Variants in PKD1L1 observed in about 807,000 individuals in gnomAD.
PKD1L1 encodes polycystin 1 like 1, transient receptor potential channel interacting, also known as polycystin-1-like protein 1.
In PKD1L1, 236 loss-of-function variants were observed where a neutral mutation model predicts 323.4. The observed-to-expected ratio is 0.73, with a 90% CI of 0.66 to 0.81. The LOEUF (loss-of-function observed/expected upper bound fraction) is 0.81, where lower values mean the gene tolerates loss of function less well. PKD1L1 is among the 40% of genes least tolerant of loss of function. The probability of loss-of-function intolerance (pLI) is 0.00; values close to 1 mark genes in which losing one functional copy is unlikely to be tolerated. For synonymous variants in PKD1L1, 1,344 were observed against 1,335.0 expected, an observed-to-expected ratio of 1.01 and a Z score of -0.15; for missense variants, 3,320 against 3,508.0, an observed-to-expected ratio of 0.95 and a Z score of 1.35.
the PKD1L1 span, among the ~76,000 whole-genome samples, chr7:47,955,444 TA>T: frequency 2.0e-4 from 31 of 151,918 alleles, no homozygotes; most frequent in South Asian, 8.3e-4. Context: ...AAGATTGAAA[TA>T]AAAAAAACAC....
chr7:47,906,897 TAA>T (rs58556871), intron 9 of PKD1L1, among the ~76,000 whole-genome samples: 62 of 149,440 alleles, frequency 4.1e-4, no homozygotes, highest in African/African-American at 1.5e-3. Context: ...TCAAAAGTGT[TAA>T]AAAAAAAAGA....
At chr7:47,888,678 C>T (rs1408345579) in intron 16 of PKD1L1, among the ~76,000 whole-genome samples, 1 of 152,254 alleles carries the variant, frequency 6.6e-6, no homozygotes, top group Non-Finnish European at 1.5e-5. Context: ...GGCCCCGCCT[C>T]TTCCCTGTGC....
intron 56 of PKD1L1, among the ~76,000 whole-genome samples, chr7:47,786,997 T>A (rs1336532098): frequency 6.6e-6 from 1 of 152,236 alleles, no homozygotes; most frequent in African/African-American, 2.4e-5. Flanking sequence ...TGTAGGTGGT[T>A]ATTGATAGCT....
At chr7:47,782,212 G>A (rs1786713955) in intron 56 of PKD1L1, among the ~76,000 whole-genome samples, 1 of 152,188 alleles carries the variant, frequency 6.6e-6, no homozygotes, top group South Asian at 2.1e-4. Flanking sequence ...GAAAAAAGAT[G>A]CTCAACTTCT....
chr7:47,794,813 C>T (rs1785304018), intron 55 of PKD1L1, among the ~76,000 whole-genome samples: 1 of 152,216 alleles, frequency 6.6e-6, no homozygotes, highest in Non-Finnish European at 1.5e-5. Flanking sequence ...GCATCACCTA[C>T]ATGTGAGCCC....
intron 11 of PKD1L1, among the ~76,000 whole-genome samples, chr7:47,904,952 G>A (rs1787171807): frequency 6.6e-6 from 1 of 152,116 alleles, no homozygotes; most frequent in African/African-American, 2.4e-5. Flanking sequence ...GCCCTACACC[G>A]TTTCCCTTAG....
At chr7:47,897,086 T>G (rs1237936404) in intron 14 of PKD1L1, among the ~76,000 whole-genome samples, 1 of 152,202 alleles carries the variant, frequency 6.6e-6, no homozygotes, top group Non-Finnish European at 1.5e-5. Context: ...CGCGATGAGA[T>G]AAGTACAGAC....
In PKD1L1 at chr7:47,943,486, A is replaced by G. The variant is rs1477089952; in HGVS notation, c.70T>C (p.Ser24Pro). 6.2e-7 allele frequency: 1 copy of G among 1,613,134 alleles called. No homozygotes were observed. Among genetic ancestry groups the G allele is most frequent in the African/African-American group, 1.3e-5 (1 of 75,016 alleles). ...ERCLQAACCL[S>P]FGGELSVSTD... ...CTCACAGACAGCTCACCACCAAAGG[A>G]AAGGCAGCAGGCAGCCTGGAGACAC... The change falls in exon 2 of 57, where the codon TCC (serine) becomes CCC (proline). Residue 24 changes from serine (S) to proline (P), a missense_variant. Ser to Pro is a moderately conservative substitution (Grantham distance 74, BLOSUM62 -1). Coordinates refer to ENST00000289672, the MANE Select transcript of PKD1L1 (RefSeq NM_138295.5).
chr7:47,781,846 G>C (rs922180262), intron 56 of PKD1L1, among the ~76,000 whole-genome samples: 1 of 152,140 alleles, frequency 6.6e-6, no homozygotes, highest in African/African-American at 2.4e-5. Context: ...TATGGTATGA[G>C]GTATAGGTAC....
intron 3 of PKD1L1, 77 bp downstream of exon 3, chr7:47,940,116 T>C: frequency 6.5e-7 from 1 of 1,543,466 alleles, no homozygotes; most frequent in South Asian, 1.2e-5. Context: ...TGATGAAACA[T>C]GGAGGTGCTT....
chr7:47,788,235 C>T (rs1056272954), intron 56 of PKD1L1, among the ~76,000 whole-genome samples: 1 of 151,054 alleles, frequency 6.6e-6, no homozygotes, highest in African/African-American at 2.4e-5. Context: ...TAGCTTCCTC[C>T]CTGTTTGGTG....
rs564856165 is a variant in PKD1L1, at chr7:47,809,553, T to C, written c.7606A>G (p.Ile2536Val). 1 of 1,605,280 alleles carries C rather than the reference T, an allele frequency of 6.2e-7. No homozygotes were observed. Among genetic ancestry groups the C allele is most frequent in the East Asian group, 2.2e-5 (1 of 44,614 alleles). Residue 2536 changes from isoleucine to valine, a missense_variant, in exon 51 of 57, where the codon ATC (isoleucine) becomes GTC (valine). Physicochemically the swap from Ile to Val is conservative, Grantham distance 29. Transcript: ENST00000289672. Reference protein sequence around the residue: ...PQLVFLALSLIHLCVQLYRMM... With the variant: ...PQLVFLALSLVHLCVQLYRMM... The stretch of plus-strand genomic sequence containing the variant: ...CGGTAGAGTTGAACACAGAGGTGGA[T>C]CAGGCTGAGTGCCAGGAAGACCAGC...
intron 1 of PKD1L1, among the ~76,000 whole-genome samples, chr7:47,948,124 T>C (rs1788138575): frequency 6.6e-6 from 1 of 152,180 alleles, no homozygotes; most frequent in African/African-American, 2.4e-5. Context: ...GAAGGTATCC[T>C]GCATTTGCAG....
chr7:47,948,345 G>A lies in PKD1L1; in HGVS notation c.44+52C>T. On this transcript the variant is annotated intron_variant, in intron 1 of 56. Coordinates refer to ENST00000289672, the MANE Select transcript of PKD1L1 (RefSeq NM_138295.5). ...GACTTTTGAAAGAAAATTTCTGAATGCATACTTTAAAATCAAGCTTACCAA... is the reference window on the plus strand; with the variant it reads ...GACTTTTGAAAGAAAATTTCTGAATACATACTTTAAAATCAAGCTTACCAA... The A allele has an allele frequency of 1.9e-6, 3 of 1,599,346 alleles. No individual in the cohort carries two copies. The South Asian group carries it at 3.3e-5, about 18-fold the overall frequency.
chr7:47,857,871 C>A (rs1020775385), intron 27 of PKD1L1, 39 bp from the exon 28 acceptor site: 2 of 1,572,700 alleles, frequency 1.3e-6, no homozygotes, highest in Non-Finnish European at 1.7e-6. Flanking sequence ...GTTTATAACA[C>A]AAATGCACAA....
At position 47,839,502 on chromosome 7, in the gene PKD1L1, CAT is replaced by C. The variant is rs1562954296; in HGVS notation, c.5711_5712del (p.His1904ArgfsTer129). 5.6e-6 allele frequency: 9 copies of C among 1,612,460 alleles called. No homozygotes were observed. The highest frequency in any genetic ancestry group is 7.6e-6 in the Non-Finnish European group (9 of 1,179,724). On this transcript the variant is annotated frameshift_variant, in exon 36 of 57. Coordinates refer to ENST00000289672, the MANE Select transcript of PKD1L1 (RefSeq NM_138295.5). LOFTEE classifies it high-confidence loss of function. This position sits in a 1 kb window ranked among gnomAD's most constrained non-coding sequence, Gnocchi z 4.3. ...GTGAGCTCCCGCTCCACGCGACCAT[CAT>C]GCCTGCCGGCAGACAGCCAGCACTG... ...PAQCWLSAGR[H>X]DGRVERELTC...
At chr7:47,905,985 TAAGAGA>T (rs754654285) in intron 9 of PKD1L1, 23 bp from the exon 10 acceptor site, 35 of 1,561,750 alleles carry the variant, frequency 2.2e-5, no homozygotes, top group Middle Eastern at 1.7e-4. Flanking sequence ...AAAAAGGAGA[TAAGAGA>T]AAAAGTCTTA....
At chr7:47,903,410 C>T (rs1229928712) in intron 12 of PKD1L1, among the ~76,000 whole-genome samples, 1 of 152,206 alleles carries the variant, frequency 6.6e-6, no homozygotes, top group African/African-American at 2.4e-5. Flanking sequence ...GCTTCTGGAG[C>T]TACCGAGTAT....
chr7:47,810,534 C>G (rs774937079), intron 50 of PKD1L1, among the ~76,000 whole-genome samples: 4 of 152,180 alleles, frequency 2.6e-5, no homozygotes, highest in Admixed American at 6.5e-5. Flanking sequence ...TGCTCCCACC[C>G]TCCATTGCGC....
Sources: gnomAD v4.1 joint callset for allele counts (sites outside exome capture counted in the v4.1 genomes callset) on GRCh38, gnomAD v4.1.1 for gene constraint, Gnocchi (gnomAD v3.1) non-coding constraint, MANE v1.5 for transcripts, NCBI Gene and HGNC (gene_info 2026-07-23, HGNC 2026-07-21) for gene names.